MMD2: variants seen among roughly 807,000 people sequenced by gnomAD.
The protein encoded by MMD2 is monocyte to macrophage differentiation associated 2, also known as monocyte to macrophage differentiation factor 2.
A neutral mutation model predicts 33.5 loss-of-function variants in MMD2; 30 were observed. That is an observed-to-expected ratio of 0.90 (90% CI 0.67 to 1.22). The LOEUF (loss-of-function observed/expected upper bound fraction) is 1.22, where lower values mean the gene tolerates loss of function less well. Among genes scored for constraint, MMD2 ranks in the 50% most tolerant of loss-of-function variants. The probability of loss-of-function intolerance (pLI) is 0.00; values close to 1 mark genes in which losing one functional copy is unlikely to be tolerated. For missense variants in MMD2, 364 were observed against 325.4 expected (o/e 1.12, Z -0.91); for synonymous variants, 129 against 123.0 (o/e 1.05, Z -0.32).
chr7:4,950,705 TTTCC>T (rs1227418340), intron 1 of MMD2, among the ~76,000 whole-genome samples: 29 of 140,876 alleles, frequency 2.1e-4, no homozygotes, highest in African/African-American at 7.4e-4. Context: ...GCTAAATTTC[TTTCC>T]TTCTTTTTTT....
At chr7:4,956,513 A>C (rs980400020) in intron 1 of MMD2, among the ~76,000 whole-genome samples, 1 of 152,130 alleles carries the variant, frequency 6.6e-6, no homozygotes, top group African/African-American at 2.4e-5. Context: ...ACAACGAGGA[A>C]GGGAACAGAA....
Position 4,959,178 on chromosome 7 carries a change from G to T in MMD2, c.-161C>A. 2.3e-6 allele frequency: 1 copy of T among 441,818 alleles called. No individual in the cohort carries two copies. Among genetic ancestry groups the T allele is most frequent in the East Asian group, 4.2e-5 (1 of 23,862 alleles). 27.4% of individuals were successfully genotyped at this position (441,818 alleles called of 1,614,324 possible). ...CGGAGCCGGAGCCCGAGCCGGAGCT[G>T]GAGGCGCCCGGAGCCGCCGACGCCA... On this transcript the variant is annotated 5_prime_UTR_variant, in exon 1 of 7. Coordinates refer to ENST00000401401, the MANE Select transcript of MMD2 (RefSeq NM_198403.4).
chr7:4,913,343 C>G (rs1047798279), intron 4 of MMD2, among the ~76,000 whole-genome samples: 1 of 152,116 alleles, frequency 6.6e-6, no homozygotes, highest in African/African-American at 2.4e-5. Flanking sequence ...ACAAATTTTG[C>G]TGAACTTCAA....
At chr7:4,914,825 G>A (rs1350137512) in intron 4 of MMD2, among the ~76,000 whole-genome samples, 1 of 152,138 alleles carries the variant, frequency 6.6e-6, no homozygotes, top group African/African-American at 2.4e-5. Context: ...TAGCTACTCA[G>A]GGGGCTGAGG....
rs149945716 is a variant in MMD2 at position 4,933,369 on chromosome 7, C to T, written c.48-7837G>A. 3.1e-3 allele frequency among the ~76,000 whole-genome samples: 468 copies of T among 152,214 alleles called. 8 individuals are homozygous for T. The highest frequency in any genetic ancestry group is 0.011 in the African/African-American group (457 of 41,508). ...AGAGCATGATTGTCTCAAAATAAAA[C>T]AAAATGTATTGAAGGTAAATTTGTT... On this transcript the variant is annotated intron_variant, in intron 1 of 6. Transcript: ENST00000401401.
chr7:4,931,071 G>C (rs1258106891), intron 1 of MMD2, among the ~76,000 whole-genome samples: 1 of 152,102 alleles, frequency 6.6e-6, no homozygotes, highest in Non-Finnish European at 1.5e-5. Context: ...GGCTAGTCTC[G>C]AACTCCTGAC....
At chr7:4,934,351 G>A (rs1393089037) in intron 1 of MMD2, among the ~76,000 whole-genome samples, 3 of 152,160 alleles carry the variant, frequency 2.0e-5, no homozygotes, top group East Asian at 1.9e-4. Context: ...CAATCCTCCC[G>A]CCTCTGACTC....
chr7:4,926,695 G>C (rs1266501803), intron 1 of MMD2, among the ~76,000 whole-genome samples: 3 of 152,010 alleles, frequency 2.0e-5, no homozygotes, highest in African/African-American at 4.8e-5. Flanking sequence ...CGTGATTTTT[G>C]CGAGATTCAT....
chr7:4,943,166 C>T (rs997635859), intron 1 of MMD2, among the ~76,000 whole-genome samples: 23 of 151,874 alleles, frequency 1.5e-4, no homozygotes, highest in African/African-American at 4.1e-4. Flanking sequence ...CCTGCCACCA[C>T]GCCCCGCTAA....
At chr7:4,914,254 T>C (rs573020692) in intron 4 of MMD2, among the ~76,000 whole-genome samples, 33 of 152,330 alleles carry the variant, frequency 2.2e-4, no homozygotes, top group African/African-American at 7.2e-4. Flanking sequence ...ATTTGATAGT[T>C]TATTCTGAAG....
At chr7:4,951,705 TCCTC>T (rs1185640996) in intron 1 of MMD2, among the ~76,000 whole-genome samples, 1 of 152,010 alleles carries the variant, frequency 6.6e-6, no homozygotes, top group Non-Finnish European at 1.5e-5. Flanking sequence ...GCTCAGGTGA[TCCTC>T]CCATCTCAGC....
chr7:4,925,258 A>T (rs1266528085), intron 2 of MMD2, among the ~76,000 whole-genome samples, 193 bp downstream of exon 2: 1 of 152,102 alleles, frequency 6.6e-6, no homozygotes, highest in African/African-American at 2.4e-5. Flanking sequence ...AGCAAGACAG[A>T]GACATGGCCA....
At chr7:4,945,832 C>CA (rs1186315110) in intron 1 of MMD2, among the ~76,000 whole-genome samples, 3 of 152,202 alleles carry the variant, frequency 2.0e-5, no homozygotes, top group Admixed American at 6.5e-5. Context: ...GCCTTGGCCT[C>CA]AAAGAGTGCT....
rs1443492827 is a variant in MMD2, at chr7:4,959,180, A to G, written c.-163T>C. On this transcript the variant is annotated 5_prime_UTR_variant, in exon 1 of 7. Transcript: ENST00000401401. Reference sequence around the variant, plus strand: ...GAGCCGGAGCCCGAGCCGGAGCTGGAGGCGCCCGGAGCCGCCGACGCCAAA... The same window carrying G: ...GAGCCGGAGCCCGAGCCGGAGCTGGGGGCGCCCGGAGCCGCCGACGCCAAA... 18 of 275,882 alleles carry G rather than the reference A, an allele frequency of 6.5e-5. No individual in the cohort carries two copies. The highest frequency in any genetic ancestry group is 9.6e-5 in the Non-Finnish European group (17 of 176,792). The allele number at this position is 275,882 out of a possible 1,614,324, so 17.1% of individuals were successfully genotyped here. A position where few individuals can be genotyped will look rare whatever the true frequency, so the allele number is the denominator to read the frequency against.
chr7:4,945,198 T>C (rs534478641), intron 1 of MMD2, among the ~76,000 whole-genome samples: 2 of 136,730 alleles, frequency 1.5e-5, no homozygotes, highest in African/African-American at 5.6e-5. Flanking sequence ...CTTCTTCTTC[T>C]TCTTCTTCTT....
chr7:4,954,901 G>A (rs993668396), intron 1 of MMD2, among the ~76,000 whole-genome samples: 1 of 152,166 alleles, frequency 6.6e-6, no homozygotes, highest in African/African-American at 2.4e-5. Context: ...TTTTCTGTAT[G>A]GTGTGAGGTA....
chr7:4,926,069 GT>G (rs1785417177), intron 1 of MMD2, among the ~76,000 whole-genome samples: 2 of 151,920 alleles, frequency 1.3e-5, no homozygotes, highest in Non-Finnish European at 2.9e-5. Flanking sequence ...GCCTTCCCAA[GT>G]GCTGGGATTA....
intron 2 of MMD2, 115 bp from the exon 3 acceptor site, chr7:4,920,446 G>T: frequency 1.0e-6 from 1 of 982,606 alleles, no homozygotes; most frequent in Non-Finnish European, 1.5e-6. Context: ...CTTGAAATGT[G>T]GTCAGTGCCA....
Position 4,959,121 on chromosome 7 carries a change from G to T in MMD2, c.-104C>A, listed in dbSNP as rs1024347355. On this transcript the variant is annotated 5_prime_UTR_variant, in exon 1 of 7. Coordinates refer to ENST00000401401, the MANE Select transcript of MMD2 (RefSeq NM_198403.4). ...GCAGCAGGTTGGAGGGCGCGCGGCG[G>T]GGGCCAAGGGGACCTGGTCGGCGCC... The T allele has an allele frequency of 7.5e-6, 7 of 935,356 alleles. No homozygotes were observed. In the East Asian group the frequency reaches 2.4e-4, roughly 33 times the overall value. 57.9% of individuals were successfully genotyped at this position (935,356 alleles called of 1,614,324 possible).
Sources: gnomAD v4.1 joint callset for allele counts (sites outside exome capture counted in the v4.1 genomes callset) on GRCh38, gnomAD v4.1.1 for gene constraint, MANE v1.5 for transcripts, NCBI Gene and HGNC (gene_info 2026-07-23, HGNC 2026-07-21) for gene names.